SRBD1: variants seen among roughly 807,000 people sequenced by gnomAD.
The protein encoded by SRBD1 is S1 RNA binding domain 1.
A neutral mutation model predicts 115.3 loss-of-function variants in SRBD1; 88 were observed. The ratio of observed to expected loss-of-function variants is 0.76; its 90% CI spans 0.64 to 0.91. The LOEUF (loss-of-function observed/expected upper bound fraction) is 0.91. SRBD1 is among the 40% of genes least tolerant of loss of function. The probability of loss-of-function intolerance (pLI) is 0.00; values close to 1 mark genes in which losing one functional copy is unlikely to be tolerated. For missense variants in SRBD1, 1,385 were observed against 1,177.4 expected, an observed-to-expected ratio of 1.18 and a Z score of -2.58; for synonymous variants, 509 against 407.7, an observed-to-expected ratio of 1.25 and a Z score of -2.99.
At chr2:45,493,653 AC>A (rs1157149111) in intron 14 of SRBD1, among the ~76,000 whole-genome samples, 2 of 151,878 alleles carry the variant, frequency 1.3e-5, no homozygotes, top group African/African-American at 2.4e-5. Context: ...TCTACTAAAT[AC>A]AAAAAAAAAA....
intron 14 of SRBD1, among the ~76,000 whole-genome samples, chr2:45,534,799 G>T (rs1243676858): frequency 6.6e-6 from 1 of 151,764 alleles, no homozygotes; most frequent in Admixed American, 6.6e-5. Flanking sequence ...TAGATCTTAA[G>T]TTATATAGCT....
chr2:45,421,410 G>C (rs891756646), intron 16 of SRBD1, among the ~76,000 whole-genome samples: 2 of 149,190 alleles, frequency 1.3e-5, no homozygotes, highest in Admixed American at 1.4e-4. Context: ...CAGAAGCTGA[G>C]GCAGGAGAAT....
rs543723171 is a variant in SRBD1 at position 45,432,189 on chromosome 2, G to A, written c.2050-12295C>T. On this transcript the variant is annotated intron_variant, in intron 16 of 20. Coordinates refer to ENST00000263736, the MANE Select transcript of SRBD1 (RefSeq NM_018079.5). Reference sequence around the variant, plus strand: ...GGATTACAGGCATGTGCCACCACGCGCAGCTAATGTTGTATTTTTAGTACA... The same window carrying A: ...GGATTACAGGCATGTGCCACCACGCACAGCTAATGTTGTATTTTTAGTACA... 7.2e-5 allele frequency among the ~76,000 whole-genome samples: 11 copies of A among 152,028 alleles called. No homozygotes were observed. The East Asian group carries it at 9.7e-4, about 13-fold the overall frequency.
intron 3 of SRBD1, 131 bp from the exon 4 acceptor site, chr2:45,599,966 G>T (rs1674041426): frequency 7.2e-6 from 8 of 1,104,564 alleles, no homozygotes; most frequent in Non-Finnish European, 1.0e-5. Flanking sequence ...AGTAAATTAT[G>T]TTGAGTGGGA....
At chr2:45,505,643 T>G (rs1670775013) in intron 14 of SRBD1, among the ~76,000 whole-genome samples, 1 of 152,212 alleles carries the variant, frequency 6.6e-6, no homozygotes, top group South Asian at 2.1e-4. Context: ...AAGATGAATC[T>G]CCTGCATTTG....
At chr2:45,534,403 T>C (rs1050082299) in intron 14 of SRBD1, among the ~76,000 whole-genome samples, 1 of 151,776 alleles carries the variant, frequency 6.6e-6, no homozygotes, top group African/African-American at 2.4e-5. Flanking sequence ...GTCACCGAAA[T>C]GGAGATGAAT....
Position 45,596,988 on chromosome 2 carries a change from T to TCACACACA in SRBD1, c.648+2453_648+2460dup, listed in dbSNP as rs36095012. On this transcript the variant is annotated intron_variant, in intron 4 of 20. Transcript: ENST00000263736. ...ACACACACACCCACACCCACAACCCTCACACACACACACACACACACACAC... is the reference window on the plus strand; with the variant it reads ...ACACACACACCCACACCCACAACCCTCACACACACACACACACACACACACACACACAC... Among the ~76,000 whole-genome samples the TCACACACA allele has an allele frequency of 1.4e-4, 20 of 140,974 alleles. 1 individual carries two copies. The highest frequency in any genetic ancestry group is 6.3e-4 in the East Asian group (3 of 4,790). 92.5% of individuals were successfully genotyped at this position (140,974 alleles called of 152,430 possible). A position where few individuals can be genotyped will look rare whatever the true frequency, so the allele number is the denominator to read the frequency against.
In SRBD1 at chr2:45,397,231, T is replaced by C. The variant is rs138263479; in HGVS notation, c.2514-4102A>G. 6.1e-4 allele frequency among the ~76,000 whole-genome samples: 93 copies of C among 152,312 alleles called. 1 individual carries two copies. The highest frequency in any genetic ancestry group is 2.1e-3 in the African/African-American group (86 of 41,586). On this transcript the variant is annotated intron_variant, in intron 19 of 20. Coordinates refer to ENST00000263736, the MANE Select transcript of SRBD1 (RefSeq NM_018079.5). ...GAAAATCTGGCCTTCTAAAAAACTA[T>C]GTAAACTGTGGGACATAAATGCAAG...
chr2:45,506,408 A>G (rs760855902), intron 14 of SRBD1, among the ~76,000 whole-genome samples: 1 of 152,186 alleles, frequency 6.6e-6, no homozygotes, highest in Non-Finnish European at 1.5e-5. Context: ...ACTTTAACAT[A>G]AAACAGTGCC....
intron 12 of SRBD1, among the ~76,000 whole-genome samples, chr2:45,549,347 A>C (rs1199236542): frequency 1.3e-5 from 2 of 152,072 alleles, no homozygotes; most frequent in African/African-American, 4.8e-5. Context: ...AGTTCTAGAG[A>C]TATACAGTGA....
chr2:45,446,580 C>T (rs1028039252), intron 16 of SRBD1, among the ~76,000 whole-genome samples: 1 of 151,794 alleles, frequency 6.6e-6, no homozygotes, highest in Non-Finnish European at 1.5e-5. Context: ...AATAAGAAAT[C>T]AAATATATAG....
At chr2:45,609,189 T>G (rs1674368669) in intron 1 of SRBD1, among the ~76,000 whole-genome samples, 1 of 152,244 alleles carries the variant, frequency 6.6e-6, no homozygotes, top group Non-Finnish European at 1.5e-5. Flanking sequence ...TTTGATGTTT[T>G]GACATATGTA....
chr2:45,452,835 G>A (rs1447658448), intron 16 of SRBD1, among the ~76,000 whole-genome samples: 1 of 151,898 alleles, frequency 6.6e-6, no homozygotes, highest in Non-Finnish European at 1.5e-5. Context: ...AAAAATAACA[G>A]TTTCTTTTAT....
intron 14 of SRBD1, among the ~76,000 whole-genome samples, chr2:45,492,998 G>A (rs1670345619): frequency 6.6e-6 from 1 of 152,168 alleles, no homozygotes; most frequent in African/African-American, 2.4e-5. Flanking sequence ...AACACTGACT[G>A]ATACCTTTTT....
chr2:45,482,725 T>C (rs1670004243), intron 15 of SRBD1, among the ~76,000 whole-genome samples: 1 of 151,972 alleles, frequency 6.6e-6, no homozygotes, highest in African/African-American at 2.4e-5. Context: ...CTATATACTA[T>C]AGACTTTTAA....
chr2:45,578,097 G>C (rs1673234551), intron 7 of SRBD1, among the ~76,000 whole-genome samples: 1 of 152,160 alleles, frequency 6.6e-6, no homozygotes, highest in Non-Finnish European at 1.5e-5. Context: ...GTGTATGAGA[G>C]AACTCAAGAG....
In SRBD1 at chr2:45,573,389, T is replaced by C. The variant is rs371798814; in HGVS notation, c.1170-47A>G. 1.7e-5 allele frequency: 27 copies of C among 1,570,096 alleles called. No homozygotes were observed. In the African/African-American group the frequency reaches 3.2e-4, roughly 18 times the overall value. ...CAAAAAACAAGCAGTTATTAATTTG[T>C]GCTTTAGTAAAGAATATATAGAAAT... On this transcript the variant is annotated intron_variant, in intron 8 of 20. Coordinates refer to ENST00000263736, the MANE Select transcript of SRBD1 (RefSeq NM_018079.5).
At chr2:45,532,984 A>G (rs3770284) in intron 14 of SRBD1, among the ~76,000 whole-genome samples, 17,440 of 152,092 alleles carry the variant, frequency 0.11, 1,021 homozygotes, top group Middle Eastern at 0.14. Context: ...AGAGAGAACC[A>G]AAATAATTCT....
intron 5 of SRBD1, among the ~76,000 whole-genome samples, chr2:45,582,354 T>A (rs1303385970): frequency 6.6e-6 from 1 of 152,196 alleles, no homozygotes; most frequent in Non-Finnish European, 1.5e-5. Flanking sequence ...CATACTGTGT[T>A]CTTACTACAC....
Sources: gnomAD v4.1 joint callset for allele counts (sites outside exome capture counted in the v4.1 genomes callset) on GRCh38, gnomAD v4.1.1 for gene constraint, MANE v1.5 for transcripts, NCBI Gene and HGNC (gene_info 2026-07-23, HGNC 2026-07-21) for gene names.